Variants in COL28A1 observed in about 807,000 individuals in gnomAD.
COL28A1 encodes the protein collagen alpha-1(XXVIII) chain.
A neutral mutation model predicts 150.2 loss-of-function variants in COL28A1; 161 were observed. The observed-to-expected ratio is 1.07, with a 90% confidence interval of 0.94 to 1.22. The LOEUF (loss-of-function observed/expected upper bound fraction) is 1.22, where lower values mean the gene tolerates loss of function less well. COL28A1 is among the 50% of genes most tolerant of loss of function. The pLI is 0.00. For missense variants in COL28A1, 1,617 were observed against 1,388.3 expected (o/e 1.16, Z -2.62); for synonymous variants, 552 against 469.7 (o/e 1.18, Z -2.26).
intron 27 of COL28A1, among the ~76,000 whole-genome samples, chr7:7,403,207 C>A (rs1298148868): frequency 6.6e-6 from 1 of 152,096 alleles, no homozygotes; most frequent in African/African-American, 2.4e-5. Flanking sequence ...GAAGAGGGAA[C>A]AGCACGTGAA....
intron 16 of COL28A1, among the ~76,000 whole-genome samples, chr7:7,453,758 G>A (rs955065875): frequency 6.6e-5 from 10 of 152,224 alleles, no homozygotes; most frequent in Admixed American, 5.9e-4. Flanking sequence ...GTTGCAGCCA[G>A]GCGTGGCCAT....
At chr7:7,393,498 T>C (rs996539249) in intron 27 of COL28A1, among the ~76,000 whole-genome samples, 1 of 152,346 alleles carries the variant, frequency 6.6e-6, no homozygotes, top group African/African-American at 2.4e-5. Context: ...GGAGATGCAC[T>C]GCTCTCTTCA....
chr7:7,344,478 T>C, the COL28A1 span, among the ~76,000 whole-genome samples: 3 of 152,266 alleles, frequency 2.0e-5, no homozygotes, highest in South Asian at 6.2e-4. Context: ...TAGTTAAGAT[T>C]GAATTACTTC....
chr7:7,432,587 C>G lies in COL28A1; in HGVS notation c.1929+45G>C, dbSNP rs114104368. 7.0e-3 allele frequency: 11,219 copies of G among 1,610,370 alleles called. 346 individuals carry two copies. The African/African-American group carries it at 0.082, about 12-fold the overall frequency. Reference sequence around the variant, plus strand: ...AGGGAGTGAGCATCCTTGTAGTATGCAACACTCAAAAAGGAGGGAGGGAAG... The same window carrying G: ...AGGGAGTGAGCATCCTTGTAGTATGGAACACTCAAAAAGGAGGGAGGGAAG... On this transcript the variant is annotated intron_variant, in intron 24 of 34. Transcript: ENST00000399429.
intron 27 of COL28A1, among the ~76,000 whole-genome samples, chr7:7,382,165 C>T (rs149473400): frequency 1.6e-4 from 24 of 152,190 alleles, no homozygotes; most frequent in African/African-American, 5.3e-4. Context: ...CAAAAATTAG[C>T]TGGGCATGGT....
chr7:7,470,934 G>A lies in COL28A1; in HGVS notation c.1302+3667C>T, dbSNP rs1788356346. Among the ~76,000 whole-genome samples, 4 of 123,432 alleles carry A rather than the reference G, an allele frequency of 3.2e-5. No homozygotes were observed. The South Asian group carries it at 1.1e-3, about 34-fold the overall frequency. 81.0% of individuals were successfully genotyped at this position (123,432 alleles called of 152,430 possible). On this transcript the variant is annotated intron_variant, in intron 15 of 34. Coordinates refer to ENST00000399429, the MANE Select transcript of COL28A1 (RefSeq NM_001037763.3). Reference sequence around the variant, plus strand: ...AATGAGATCACGTGGACACAGGAAGGGGAATATCACACTCTGGGGACTGTG... The same window carrying A: ...AATGAGATCACGTGGACACAGGAAGAGGAATATCACACTCTGGGGACTGTG...
At chr7:7,370,237 G>C (rs1262786104) in intron 33 of COL28A1, among the ~76,000 whole-genome samples, 1 of 152,176 alleles carries the variant, frequency 6.6e-6, no homozygotes, top group Non-Finnish European at 1.5e-5. Flanking sequence ...CAGAGCACAG[G>C]AGGTGGAAGC....
intron 5 of COL28A1, among the ~76,000 whole-genome samples, chr7:7,520,846 G>C (rs569726796): frequency 1.1e-4 from 17 of 152,266 alleles, no homozygotes; most frequent in African/African-American, 4.1e-4. Context: ...GTGTCATAGA[G>C]ATAAACGAAG....
At chr7:7,451,876 A>G (rs1437268491) in intron 18 of COL28A1, among the ~76,000 whole-genome samples, 1 of 152,138 alleles carries the variant, frequency 6.6e-6, no homozygotes, top group Non-Finnish European at 1.5e-5. Context: ...TTCTTCTAAT[A>G]CTCAAATGCT....
At position 7,440,706 on chromosome 7, in the gene COL28A1, A is replaced by C. The variant is rs1014111238; in HGVS notation, c.1722+84T>G. The C allele has an allele frequency of 3.9e-5, 24 of 608,446 alleles. No homozygotes were observed. In the African/African-American group the frequency reaches 4.5e-4, roughly 11 times the overall value. The allele number at this position is 608,446 out of a possible 1,614,324, so 37.7% of individuals were successfully genotyped here. On this transcript the variant is annotated intron_variant, in intron 21 of 34. Coordinates refer to ENST00000399429, the MANE Select transcript of COL28A1 (RefSeq NM_001037763.3). ...TGTTGGGAAGGAAACAAGGAATCCA[A>C]TTTTCAGTGGAAATTTAATACTATA...
chr7:7,402,603 C>G (rs528704944), intron 27 of COL28A1, among the ~76,000 whole-genome samples: 12 of 152,144 alleles, frequency 7.9e-5, no homozygotes, highest in Admixed American at 2.0e-4. Flanking sequence ...CTATCAGGCA[C>G]TAAATAAATA....
chr7:7,357,669 A>G (rs1780405144), downstream of COL28A1: 1 of 151,446 alleles, frequency 6.6e-6, no homozygotes, highest in Non-Finnish European at 1.5e-5. Flanking sequence ...GGGGAAAAAA[A>G]AAAAAAAGAA....
intron 13 of COL28A1, among the ~76,000 whole-genome samples, chr7:7,481,136 A>C (rs1789355292): frequency 6.6e-6 from 1 of 152,238 alleles, no homozygotes; most frequent in African/African-American, 2.4e-5. Context: ...ATGTGTAAAA[A>C]GCATGCTGCA....
chr7:7,511,194 ATGTT>A (rs200099162), intron 8 of COL28A1, 59 bp from the exon 9 acceptor site: 18 of 1,341,008 alleles, frequency 1.3e-5, no homozygotes, highest in South Asian at 8.4e-5. Flanking sequence ...ACTATTAAGA[ATGTT>A]TGTTTGTTTG....
intron 11 of COL28A1, among the ~76,000 whole-genome samples, chr7:7,503,531 A>G (rs1780648039): frequency 6.6e-6 from 1 of 152,240 alleles, no homozygotes; most frequent in East Asian, 1.9e-4. Context: ...ATGATAATGG[A>G]TAAAAATAAA....
At chr7:7,448,434 C>T (rs2128326652) in intron 18 of COL28A1, among the ~76,000 whole-genome samples, 1 of 151,928 alleles carries the variant, frequency 6.6e-6, no homozygotes, top group South Asian at 2.1e-4. Flanking sequence ...CAACTGCACA[C>T]TATAATTCTA....
At chr7:7,447,940 G>A (rs78999154) in intron 18 of COL28A1, among the ~76,000 whole-genome samples, 3,673 of 152,108 alleles carry the variant, frequency 0.024, 121 homozygotes, top group African/African-American at 0.076. Context: ...TGGTGGTGCC[G>A]CCTGTAATCC....
intron 8 of COL28A1, among the ~76,000 whole-genome samples, chr7:7,513,536 C>T (rs1781263125): frequency 6.6e-6 from 1 of 152,206 alleles, no homozygotes; most frequent in African/African-American, 2.4e-5. Context: ...GTGAGTCAAA[C>T]TGACCCAGGA....
chr7:7,500,123 T>G (rs929316592), intron 11 of COL28A1, among the ~76,000 whole-genome samples: 2 of 152,238 alleles, frequency 1.3e-5, no homozygotes, highest in Admixed American at 6.5e-5. Flanking sequence ...TGTTCCCGAC[T>G]GTTACATCCT....
Sources: allele counts gnomAD v4.1 joint callset (sites outside exome capture counted in the v4.1 genomes callset), GRCh38; gene constraint gnomAD v4.1.1; transcripts MANE v1.5; gene names NCBI Gene and HGNC (gene_info 2026-07-23, HGNC 2026-07-21).